GFRA1: variants seen among roughly 807,000 people sequenced by gnomAD.
GFRA1 encodes GDNF family receptor alpha-1.
Under a neutral mutation model 51.6 loss-of-function variants are expected in GFRA1, and 16 were observed. The ratio of observed to expected loss-of-function variants is 0.31; its 90% CI spans 0.21 to 0.47. GFRA1 has a LOEUF of 0.47. Ranked by LOEUF, GFRA1 falls within the 20% of genes least tolerant of loss-of-function variation. The pLI is 1.00. For missense variants in GFRA1, 530 were observed against 594.3 expected, an observed-to-expected ratio of 0.89 and a Z score of 1.13; for synonymous variants, 270 against 241.3, an observed-to-expected ratio of 1.12 and a Z score of -1.10.
intron 5 of GFRA1, among the ~76,000 whole-genome samples, chr10:116,148,094 G>GTGTGCATGCA (rs1958907823): frequency 2.3e-5 from 1 of 43,378 alleles, no homozygotes; most frequent in Admixed American, 2.7e-4. Flanking sequence ...GTGTGCATGC[G>GTGTGCATGCA]TGTGTGCATG....
intron 6 of GFRA1, among the ~76,000 whole-genome samples, chr10:116,100,630 C>T (rs1269206119): frequency 1.3e-5 from 2 of 152,104 alleles, no homozygotes; most frequent in East Asian, 1.9e-4. Flanking sequence ...ATTTTAAACC[C>T]GAGAAGTAAC....
intron 5 of GFRA1, among the ~76,000 whole-genome samples, chr10:116,128,102 A>G (rs1957949378): frequency 1.3e-5 from 2 of 152,186 alleles, no homozygotes; most frequent in South Asian, 4.1e-4. Context: ...GGCACTCAGT[A>G]ATACAGGCCT....
At chr10:116,182,738 C>A (rs976161186) in intron 5 of GFRA1, among the ~76,000 whole-genome samples, 6 of 152,234 alleles carry the variant, frequency 3.9e-5, no homozygotes, top group Non-Finnish European at 7.3e-5. Flanking sequence ...CGCAATGAAC[C>A]TGACTCTCTT....
chr10:116,101,188 C>T (rs565015717), intron 6 of GFRA1, among the ~76,000 whole-genome samples: 1 of 152,302 alleles, frequency 6.6e-6, no homozygotes, highest in South Asian at 2.1e-4. Context: ...ATGAATCACA[C>T]TGTAATCAAT....
chr10:116,235,638 C>T (rs1966859377), intron 4 of GFRA1, among the ~76,000 whole-genome samples: 1 of 152,170 alleles, frequency 6.6e-6, no homozygotes, highest in Non-Finnish European at 1.5e-5. Flanking sequence ...TCCCTCCTGT[C>T]ACAGACTGGA....
chr10:116,143,524 C>A (rs906693478), intron 5 of GFRA1, among the ~76,000 whole-genome samples: 4 of 152,256 alleles, frequency 2.6e-5, no homozygotes, highest in African/African-American at 9.6e-5. Context: ...AGCCAAATTT[C>A]TGAAAGGGTC....
At chr10:116,269,453 A>T in intron 4 of GFRA1, 50 bp downstream of exon 4, 1 of 1,034,008 alleles carries the variant, frequency 9.7e-7, no homozygotes. Context: ...ATGCAAGCCA[A>T]CGAATTCAAG....
rs577415513 is a variant in GFRA1, at chr10:116,206,701, C to T, written c.433+4930G>A. On this transcript the variant is annotated intron_variant, in intron 5 of 10. Coordinates refer to ENST00000355422, the MANE Select transcript of GFRA1 (RefSeq NM_005264.8). The stretch of plus-strand genomic sequence containing the variant: ...GGGCTGGAGTGCAGCCGCGCGATCT[C>T]GGCTCACTGCAAGCTCCGCCTCCCG... 3.4e-5 allele frequency among the ~76,000 whole-genome samples: 5 copies of T among 146,270 alleles called. No individual in the cohort carries two copies. The South Asian group carries it at 1.1e-3, about 32-fold the overall frequency.
intron 4 of GFRA1, among the ~76,000 whole-genome samples, chr10:116,219,501 T>A (rs1184490043): frequency 6.6e-6 from 1 of 152,186 alleles, no homozygotes; most frequent in Non-Finnish European, 1.5e-5. Context: ...TATGAAACTA[T>A]ATTAAAATCG....
At chr10:116,211,501 G>C in intron 5 of GFRA1, 130 bp downstream of exon 5, 1 of 813,462 alleles carries the variant, frequency 1.2e-6, no homozygotes, top group Non-Finnish European at 2.1e-6. Context: ...TGTCCTCATG[G>C]TGTCCCTGAG....
At chr10:116,151,174 C>G (rs745563137) in intron 5 of GFRA1, among the ~76,000 whole-genome samples, 1 of 152,130 alleles carries the variant, frequency 6.6e-6, no homozygotes, top group Non-Finnish European at 1.5e-5. Flanking sequence ...GAACAGATAT[C>G]AAGGCAAGCA....
chr10:116,165,665 T>TCTCACACA (rs144455312), intron 5 of GFRA1, among the ~76,000 whole-genome samples: 103 of 149,552 alleles, frequency 6.9e-4, no homozygotes, highest in East Asian at 3.8e-3. Flanking sequence ...TCTCTCACTC[T>TCTCACACA]CACACACACA....
At chr10:116,200,107 C>A (rs1169778977) in intron 5 of GFRA1, among the ~76,000 whole-genome samples, 1 of 152,184 alleles carries the variant, frequency 6.6e-6, no homozygotes, top group Non-Finnish European at 1.5e-5. Context: ...TTTGTCCTTT[C>A]TCCTACTGAT....
intron 9 of GFRA1, among the ~76,000 whole-genome samples, chr10:116,081,296 T>C (rs1589770554): frequency 6.6e-6 from 1 of 152,206 alleles, no homozygotes; most frequent in African/African-American, 2.4e-5. Flanking sequence ...TAGCTCGGAA[T>C]TGAGTTGTAC....
intron 5 of GFRA1, among the ~76,000 whole-genome samples, chr10:116,195,229 G>T (rs1589861387): frequency 6.6e-6 from 1 of 152,044 alleles, no homozygotes; most frequent in African/African-American, 2.4e-5. Context: ...GTTTTAAATT[G>T]CCCTGTTAAC....
chr10:116,271,551 G>T (rs964922509), intron 2 of GFRA1, among the ~76,000 whole-genome samples: 2 of 152,164 alleles, frequency 1.3e-5, no homozygotes, highest in African/African-American at 2.4e-5. Context: ...CGCTGGGCGC[G>T]GGGCAGGCCA....
intron 4 of GFRA1, among the ~76,000 whole-genome samples, chr10:116,238,074 C>A (rs933337887): frequency 1.3e-5 from 2 of 152,160 alleles, no homozygotes; most frequent in African/African-American, 4.8e-5. Context: ...ACACACGGAG[C>A]CTCGTTTTTA....
intron 4 of GFRA1, among the ~76,000 whole-genome samples, chr10:116,249,908 C>T (rs1021794253): frequency 1.3e-5 from 2 of 152,052 alleles, no homozygotes; most frequent in African/African-American, 2.4e-5. Context: ...GTGCAGATAA[C>T]GAAACAGGAA....
At chr10:116,121,640 T>C (rs1957650372) in intron 6 of GFRA1, among the ~76,000 whole-genome samples, 1 of 152,194 alleles carries the variant, frequency 6.6e-6, no homozygotes. Flanking sequence ...GAACAGCTCT[T>C]TGATGGTTGC....
Sources: gnomAD v4.1 joint callset for allele counts (sites outside exome capture counted in the v4.1 genomes callset) on GRCh38, gnomAD v4.1.1 for gene constraint, MANE v1.5 for transcripts, NCBI Gene and HGNC (gene_info 2026-07-23, HGNC 2026-07-21) for gene names.